Variants in FGF14 observed in about 807,000 individuals in gnomAD.
FGF14 encodes fibroblast growth factor 14.
Under a neutral mutation model 25.5 loss-of-function variants are expected in FGF14, and 5 were observed. The observed-to-expected ratio is 0.20, with a 90% CI of 0.10 to 0.41. The LOEUF (loss-of-function observed/expected upper bound fraction) is 0.41, where lower values mean the gene tolerates loss of function less well. FGF14 is among the 10% of genes least tolerant of loss of function. The probability of loss-of-function intolerance (pLI) is 1.00; values close to 1 mark genes in which losing one functional copy is unlikely to be tolerated. For missense variants in FGF14, 222 were observed against 320.1 expected, an observed-to-expected ratio of 0.69 and a Z score of 2.34; for synonymous variants, 138 against 118.3, an observed-to-expected ratio of 1.17 and a Z score of -1.08.
intron 3 of FGF14, among the ~76,000 whole-genome samples, chr13:101,810,555 C>T (rs2041448852): frequency 6.6e-6 from 1 of 152,162 alleles, no homozygotes; most frequent in South Asian, 2.1e-4. Flanking sequence ...GCTTCGCTGA[C>T]ATGCAGGACT....
At position 101,720,805 on chromosome 13, in the gene FGF14, G is replaced by A. The variant is rs951799231; in HGVS notation, c.*2026C>T. On this transcript the variant is annotated 3_prime_UTR_variant, in exon 5 of 5. Coordinates refer to ENST00000376143, the MANE Select transcript of FGF14 (RefSeq NM_004115.4). Reference sequence around the variant, plus strand: ...CAAAAATGACCAAAGGAATCATTTTGTTTGTTAGATTTGTAATTTAGCATC... The same window carrying A: ...CAAAAATGACCAAAGGAATCATTTTATTTGTTAGATTTGTAATTTAGCATC... 2 of 151,994 alleles carry A rather than the reference G, an allele frequency of 1.3e-5. No individual in the cohort carries two copies. Among genetic ancestry groups the A allele is most frequent in the Non-Finnish European group, 2.9e-5 (2 of 67,968 alleles). The allele number at this position is 151,994 out of a possible 1,614,324, so 9.4% of individuals were successfully genotyped here.
At chr13:101,966,151 G>A (rs904016998) in intron 1 of FGF14, among the ~76,000 whole-genome samples, 1 of 152,180 alleles carries the variant, frequency 6.6e-6, no homozygotes. Flanking sequence ...AAGCTTATTT[G>A]AAAACAGGTT....
At chr13:101,887,170 T>G (rs2046031995) in intron 1 of FGF14, among the ~76,000 whole-genome samples, 1 of 152,070 alleles carries the variant, frequency 6.6e-6, no homozygotes, top group Admixed American at 6.6e-5. Flanking sequence ...AACTATCATA[T>G]GATCCAGCAA....
At chr13:101,809,699 G>A (rs532124153) in intron 3 of FGF14, among the ~76,000 whole-genome samples, 1 of 152,216 alleles carries the variant, frequency 6.6e-6, no homozygotes, top group South Asian at 2.1e-4. Context: ...ATGAAATGGG[G>A]TTGTATAGGA....
intron 3 of FGF14, among the ~76,000 whole-genome samples, chr13:101,806,460 T>C (rs1375361142): frequency 2.0e-5 from 3 of 151,258 alleles, no homozygotes; most frequent in Non-Finnish European, 2.9e-5. Context: ...TATATGTATA[T>C]GTACATTGAG....
At chr13:101,736,561 T>C (rs1566835556) in intron 3 of FGF14, among the ~76,000 whole-genome samples, 2 of 152,168 alleles carry the variant, frequency 1.3e-5, no homozygotes, top group African/African-American at 4.8e-5. Context: ...TGGCAATTAA[T>C]AAAAGTACTG....
intron 1 of FGF14, among the ~76,000 whole-genome samples, chr13:101,913,586 A>T (rs1256604596): frequency 6.6e-6 from 1 of 152,192 alleles, no homozygotes; most frequent in Non-Finnish European, 1.5e-5. Context: ...GTTTTCAAGC[A>T]TATCACACTA....
chr13:102,351,930 C>T (rs181867243), intron 1 of FGF14, among the ~76,000 whole-genome samples: 24 of 152,318 alleles, frequency 1.6e-4, no homozygotes, highest in Admixed American at 6.5e-5. Context: ...GGAATTAGCT[C>T]TACCATTTGA....
At chr13:101,927,024 A>G (rs2139209012) in intron 1 of FGF14, among the ~76,000 whole-genome samples, 1 of 152,300 alleles carries the variant, frequency 6.6e-6, no homozygotes, top group Admixed American at 6.5e-5. Flanking sequence ...TTTTAAATAA[A>G]CAAGTTTTAG....
At chr13:102,155,234 C>T (rs1266752434) in intron 1 of FGF14, among the ~76,000 whole-genome samples, 1 of 152,166 alleles carries the variant, frequency 6.6e-6, no homozygotes, top group Non-Finnish European at 1.5e-5. Context: ...CACACTACAC[C>T]TATTCCAAAA....
chr13:102,371,470 G>T (rs543454266), intron 1 of FGF14, among the ~76,000 whole-genome samples: 1 of 152,204 alleles, frequency 6.6e-6, no homozygotes, highest in Admixed American at 6.5e-5. Context: ...AGAAAATCCA[G>T]TCTAAATGTC....
At chr13:102,135,457 A>G (rs2046373790) in intron 1 of FGF14, among the ~76,000 whole-genome samples, 1 of 152,250 alleles carries the variant, frequency 6.6e-6, no homozygotes, top group African/African-American at 2.4e-5. Flanking sequence ...TGCAATTACA[A>G]AAAAGCTTTA....
chr13:102,257,387 T>C (rs891486876), intron 1 of FGF14, among the ~76,000 whole-genome samples: 1 of 129,774 alleles, frequency 7.7e-6, no homozygotes, highest in African/African-American at 2.8e-5. Flanking sequence ...AGTTTCACTC[T>C]ATCACCCAGG....
intron 3 of FGF14, among the ~76,000 whole-genome samples, chr13:101,766,089 T>C (rs1277526000): frequency 6.6e-6 from 1 of 152,208 alleles, no homozygotes; most frequent in Admixed American, 6.5e-5. Flanking sequence ...TGAGCCTCAA[T>C]AATTTGGAAA....
In FGF14 at chr13:102,019,417, G is replaced by A. The variant is rs532315276; in HGVS notation, c.209-144121C>T. ...AGACTTTCAGGGTCCTGAGTGCCCC[G>A]CTCGAGAGCATCTCCAGTGCTAGCC... On this transcript the variant is annotated intron_variant, in intron 1 of 4. Coordinates refer to the FGF14 transcript ENST00000376131. Among the ~76,000 whole-genome samples, 61 of 152,162 alleles carry A rather than the reference G, an allele frequency of 4.0e-4. No homozygotes were observed. In the South Asian group the frequency reaches 0.01, roughly 25 times the overall value.
intron 1 of FGF14, among the ~76,000 whole-genome samples, chr13:101,877,245 T>G (rs1169603969): frequency 6.6e-6 from 1 of 152,190 alleles, no homozygotes; most frequent in Non-Finnish European, 1.5e-5. Context: ...AATTATGTTT[T>G]TCTCCTTTAA....
At chr13:101,909,437 GAACAGACACTTCTCA>G (rs559514259) in intron 1 of FGF14, among the ~76,000 whole-genome samples, 197 of 152,306 alleles carry the variant, frequency 1.3e-3, no homozygotes, top group African/African-American at 4.6e-3. Context: ...TGAAGGATAT[GAACAGACACTTCTCA>G]AAAGAAGACA....
chr13:102,204,914 CAAGGAGATA>C (rs1228935042), intron 1 of FGF14, among the ~76,000 whole-genome samples: 1 of 152,090 alleles, frequency 6.6e-6, no homozygotes, highest in African/African-American at 2.4e-5. Flanking sequence ...CATGGCAACA[CAAGGAGATA>C]AAGTAGACAA....
intron 1 of FGF14, among the ~76,000 whole-genome samples, chr13:102,010,911 TAAG>T (rs1216500259): frequency 6.6e-6 from 1 of 152,198 alleles, no homozygotes; most frequent in African/African-American, 2.4e-5. Context: ...AACTTACACT[TAAG>T]AAAATCAAAG....
Sources: gnomAD v4.1 joint callset for allele counts (sites outside exome capture counted in the v4.1 genomes callset) on GRCh38, gnomAD v4.1.1 for gene constraint, MANE v1.5 for transcripts, NCBI Gene and HGNC (gene_info 2026-07-23, HGNC 2026-07-21) for gene names.